POT1: variants seen among roughly 807,000 people sequenced by gnomAD.
The protein encoded by POT1 is protection of telomeres protein 1.
A neutral mutation model predicts 78.5 loss-of-function variants in POT1; 47 were observed. The observed-to-expected ratio is 0.60, with a 90% CI of 0.47 to 0.76. The LOEUF (loss-of-function observed/expected upper bound fraction) is 0.76. POT1 is among the 30% of genes least tolerant of loss of function. The pLI is 0.00. For synonymous variants in POT1, 259 were observed against 260.7 expected, an observed-to-expected ratio of 0.99 and a Z score of 0.06; for missense variants, 646 against 749.9, an observed-to-expected ratio of 0.86 and a Z score of 1.62.
intron 10 of POT1, 145 bp from the exon 11 acceptor site, chr7:124,852,096 T>A (rs1795325255): frequency 8.8e-6 from 5 of 567,504 alleles, no homozygotes; most frequent in Non-Finnish European, 1.5e-5. Flanking sequence ...GATCTATTGC[T>A]TTCATCAGAT....
At chr7:124,860,572 T>G (rs553444864) in intron 8 of POT1, among the ~76,000 whole-genome samples, 3 of 152,308 alleles carry the variant, frequency 2.0e-5, no homozygotes, top group African/African-American at 7.2e-5. Context: ...CTTTTGAGGC[T>G]TATTCTTAAA....
At chr7:124,885,364 T>G (rs1796218641) in intron 6 of POT1, among the ~76,000 whole-genome samples, 1 of 150,560 alleles carries the variant, frequency 6.6e-6, no homozygotes, top group South Asian at 2.1e-4. Flanking sequence ...TTCCAGCTAC[T>G]AGGGAGGCTG....
chr7:124,902,071 G>A (rs1267465370), intron 3 of POT1, among the ~76,000 whole-genome samples: 1 of 152,122 alleles, frequency 6.6e-6, no homozygotes, highest in Non-Finnish European at 1.5e-5. Context: ...AAAAGTGATG[G>A]GGAGAATAGA....
At chr7:124,856,989 A>G (rs1044150507) in intron 9 of POT1, among the ~76,000 whole-genome samples, 1 of 152,164 alleles carries the variant, frequency 6.6e-6, no homozygotes, top group Non-Finnish European at 1.5e-5. Context: ...ATCTTCCTGG[A>G]CCCTGGATTT....
intron 9 of POT1, among the ~76,000 whole-genome samples, chr7:124,856,933 A>G (rs1795461614): frequency 6.6e-6 from 1 of 152,224 alleles, no homozygotes; most frequent in Non-Finnish European, 1.5e-5. Context: ...TCACAGATGT[A>G]TGTGCATACA....
intron 3 of POT1, among the ~76,000 whole-genome samples, chr7:124,913,473 C>T (rs1052933611): frequency 2.0e-5 from 3 of 152,088 alleles, no homozygotes; most frequent in African/African-American, 7.2e-5. Context: ...AAAATTTTTA[C>T]ATTTTTATGA....
intron 13 of POT1, among the ~76,000 whole-genome samples, chr7:124,842,162 T>C (rs188420527): frequency 1.3e-5 from 2 of 152,136 alleles, no homozygotes; most frequent in East Asian, 3.9e-4. Context: ...ATTATCTACA[T>C]TTTCCAAAAC....
chr7:124,920,140 C>CAT (rs1317199984), intron 2 of POT1, among the ~76,000 whole-genome samples: 1 of 151,990 alleles, frequency 6.6e-6, no homozygotes, highest in African/African-American at 2.4e-5. Flanking sequence ...AAAATCTGTA[C>CAT]ATATATATTT....
intron 14 of POT1, among the ~76,000 whole-genome samples, chr7:124,839,889 T>C (rs1326458868): frequency 1.3e-5 from 2 of 151,978 alleles, no homozygotes; most frequent in Non-Finnish European, 2.9e-5. Flanking sequence ...CCATTATCAC[T>C]CAAAGTCCAC....
At chr7:124,878,320 A>ACTCCG (rs1246839498) in intron 6 of POT1, among the ~76,000 whole-genome samples, 1 of 151,780 alleles carries the variant, frequency 6.6e-6, no homozygotes, top group African/African-American at 2.4e-5. Context: ...TGACAGAGCA[A>ACTCCG]CTCTGTCTCA....
At chr7:124,878,055 G>A (rs1190057694) in intron 6 of POT1, among the ~76,000 whole-genome samples, 1 of 152,046 alleles carries the variant, frequency 6.6e-6, no homozygotes, top group African/African-American at 2.4e-5. Context: ...TGCTGGCCAG[G>A]CACAGTGGCT....
intron 2 of POT1, among the ~76,000 whole-genome samples, chr7:124,923,055 C>A (rs112216565): frequency 0.012 from 1,774 of 151,160 alleles, 41 homozygotes; most frequent in African/African-American, 0.039. Flanking sequence ...ATAGAACAAG[C>A]AATTGCTACA....
At chr7:124,848,840 G>T (rs568443372) in intron 11 of POT1, among the ~76,000 whole-genome samples, 6 of 151,994 alleles carry the variant, frequency 3.9e-5, no homozygotes, top group African/African-American at 1.4e-4. Context: ...CAGTGTAGAG[G>T]AAATAAAAGC....
At chr7:124,849,564 T>C (rs1795254590) in intron 11 of POT1, among the ~76,000 whole-genome samples, 1 of 152,272 alleles carries the variant, frequency 6.6e-6, no homozygotes, top group South Asian at 2.1e-4. Context: ...CTTTGGTAAA[T>C]AATCTGGCAG....
intron 14 of POT1, among the ~76,000 whole-genome samples, chr7:124,839,592 T>G (rs746129124): frequency 2.6e-5 from 4 of 152,190 alleles, no homozygotes; most frequent in African/African-American, 9.7e-5. Flanking sequence ...TTGGTCCAGG[T>G]TATAATACTT....
chr7:124,868,136 A>G (rs892984321), intron 7 of POT1, among the ~76,000 whole-genome samples: 2 of 152,170 alleles, frequency 1.3e-5, no homozygotes, highest in Non-Finnish European at 2.9e-5. Flanking sequence ...TTCAAATTGC[A>G]ATAAGAAAAA....
chr7:124,848,050 CTA>C (rs1047274202), intron 11 of POT1, among the ~76,000 whole-genome samples: 28 of 152,114 alleles, frequency 1.8e-4, no homozygotes, highest in African/African-American at 6.8e-4. Context: ...AGGAAACAAA[CTA>C]ATGATATATG....
intron 9 of POT1, among the ~76,000 whole-genome samples, chr7:124,857,498 A>C (rs540985429): frequency 6.6e-5 from 10 of 152,258 alleles, no homozygotes; most frequent in African/African-American, 2.4e-4. Context: ...CCCACCTGAC[A>C]TCCTGTGCCC....
intron 2 of POT1, among the ~76,000 whole-genome samples, chr7:124,917,643 T>C (rs1791136516): frequency 6.6e-6 from 1 of 152,128 alleles, no homozygotes; most frequent in Non-Finnish European, 1.5e-5. Flanking sequence ...AGAACCACAA[T>C]CAATTAGATT....
Sources: gnomAD v4.1 joint callset for allele counts (sites outside exome capture counted in the v4.1 genomes callset) on GRCh38, gnomAD v4.1.1 for gene constraint, MANE v1.5 for transcripts, NCBI Gene and HGNC (gene_info 2026-07-23, HGNC 2026-07-21) for gene names.